Variants in PDE10A observed in about 807,000 individuals in gnomAD.
PDE10A encodes cAMP and cAMP-inhibited cGMP 3',5'-cyclic phosphodiesterase 10A.
PDE10A carries 39 observed loss-of-function variants against 97.7 expected under a neutral mutation model. That is an observed-to-expected ratio of 0.40 (90% CI 0.31 to 0.52). The LOEUF (loss-of-function observed/expected upper bound fraction) is 0.52. Ranked by LOEUF, PDE10A falls within the 20% of genes least tolerant of loss-of-function variation. The pLI, the probability that PDE10A is intolerant of heterozygous loss-of-function variation, is 0.56. For synonymous variants in PDE10A, 371 were observed against 376.8 expected (o/e 0.98, Z 0.18); for missense variants, 731 against 1,047.8 (o/e 0.70, Z 4.17).
intron 1 of PDE10A, chr6:165,949,595 C>T (rs1381236527): frequency 2.0e-5 from 3 of 152,108 alleles, no homozygotes; most frequent in Middle Eastern, 3.2e-3. Context: ...TGCCATCTCC[C>T]GCTGACCATC....
intron 1 of PDE10A, among the ~76,000 whole-genome samples, chr6:165,659,747 C>T (rs1272921006): frequency 6.6e-6 from 1 of 152,222 alleles, no homozygotes; most frequent in African/African-American, 2.4e-5. Context: ...CTTCTCCTAG[C>T]TGGGCCTTTC....
chr6:165,894,464 G>C (rs1344177434), intron 1 of PDE10A: 1 of 455,940 alleles, frequency 2.2e-6, no homozygotes, highest in African/African-American at 2.0e-5. Flanking sequence ...AATTGAACAA[G>C]TGGTGGAGAG....
chr6:165,971,252 T>C (rs1383719530), intron 1 of PDE10A, among the ~76,000 whole-genome samples: 1 of 152,170 alleles, frequency 6.6e-6, no homozygotes, highest in African/African-American at 2.4e-5. Flanking sequence ...GATTGTTAAA[T>C]ACATGATTGA....
chr6:165,863,144 C>G (rs766949850), intron 1 of PDE10A, among the ~76,000 whole-genome samples: 26 of 152,312 alleles, frequency 1.7e-4, no homozygotes, highest in Non-Finnish European at 2.9e-4. Context: ...CAGTTTGTGG[C>G]CTCTCAGGAG....
chr6:165,566,314 A>G (rs993316918), intron 1 of PDE10A, among the ~76,000 whole-genome samples: 1 of 152,254 alleles, frequency 6.6e-6, no homozygotes, highest in African/African-American at 2.4e-5. Flanking sequence ...TGAGCAAATG[A>G]AAAGATGCTC....
At chr6:165,755,178 C>T (rs1196470976) in intron 1 of PDE10A, among the ~76,000 whole-genome samples, 1 of 152,112 alleles carries the variant, frequency 6.6e-6, no homozygotes, top group South Asian at 2.1e-4. Context: ...GGATGGCCTG[C>T]GACCAGAGGA....
chr6:165,656,049 C>G (rs1422647423), intron 1 of PDE10A, among the ~76,000 whole-genome samples: 1 of 152,014 alleles, frequency 6.6e-6, no homozygotes, highest in Non-Finnish European at 1.5e-5. Context: ...CGCTGTGCAG[C>G]TCTCTTGGTA....
intron 12 of PDE10A, among the ~76,000 whole-genome samples, chr6:165,414,991 C>T (rs1398739115): frequency 1.3e-5 from 2 of 152,156 alleles, no homozygotes; most frequent in Non-Finnish European, 2.9e-5. Flanking sequence ...GTTAAAATCA[C>T]CTGCCCTTTG....
At chr6:165,426,186 T>C (rs1379026814) in intron 10 of PDE10A, among the ~76,000 whole-genome samples, 1 of 152,194 alleles carries the variant, frequency 6.6e-6, no homozygotes, top group Admixed American at 6.5e-5. Context: ...TTGTAGAAAT[T>C]GACCTGCTAC....
At chr6:165,525,939 A>G (rs1011615260) in intron 2 of PDE10A, among the ~76,000 whole-genome samples, 2 of 152,202 alleles carry the variant, frequency 1.3e-5, no homozygotes, top group Non-Finnish European at 2.9e-5. Flanking sequence ...AATGGACAAA[A>G]GAGTAATTTA....
intron 1 of PDE10A, among the ~76,000 whole-genome samples, chr6:165,958,732 A>G (rs1160223725): frequency 7.4e-5 from 1 of 13,534 alleles, no homozygotes; most frequent in Non-Finnish European, 1.3e-4. Context: ...AGAAAGAAAG[A>G]AAGAAAGAAA....
chr6:165,442,944 A>T, intron 5 of PDE10A, among the ~76,000 whole-genome samples: 1 of 151,848 alleles, frequency 6.6e-6, no homozygotes, highest in African/African-American at 2.4e-5. Flanking sequence ...CCCCATCTCT[A>T]CTAAAAATAC....
At chr6:165,959,621 C>T (rs781350583) in intron 1 of PDE10A, among the ~76,000 whole-genome samples, 6 of 152,218 alleles carry the variant, frequency 3.9e-5, no homozygotes, top group Non-Finnish European at 5.9e-5. Context: ...TCCACACCCT[C>T]TGTTTCTGGA....
chr6:165,479,493 A>G (rs1457536580), intron 3 of PDE10A, among the ~76,000 whole-genome samples: 2 of 152,206 alleles, frequency 1.3e-5, no homozygotes, highest in East Asian at 3.9e-4. Context: ...TTATGAAATT[A>G]ACCTCTCCTG....
At chr6:165,576,241 C>A (rs1785298254) in intron 1 of PDE10A, among the ~76,000 whole-genome samples, 1 of 152,178 alleles carries the variant, frequency 6.6e-6, no homozygotes, top group African/African-American at 2.4e-5. Context: ...GGGGGCTTGA[C>A]TGAAGGTTGG....
At chr6:165,477,468 A>G (rs1226231010) in intron 3 of PDE10A, among the ~76,000 whole-genome samples, 1 of 152,142 alleles carries the variant, frequency 6.6e-6, no homozygotes, top group East Asian at 1.9e-4. Flanking sequence ...ATTTCTGTCT[A>G]GTTTGTCCTC....
intron 13 of PDE10A, among the ~76,000 whole-genome samples, chr6:165,405,286 C>A (rs1428780094): frequency 6.6e-6 from 1 of 152,104 alleles, no homozygotes; most frequent in Non-Finnish European, 1.5e-5. Flanking sequence ...TTAGGGCAGA[C>A]ATAAAAGGTA....
At chr6:165,976,299 G>T (rs561037031) in intron 1 of PDE10A, among the ~76,000 whole-genome samples, 129 of 152,260 alleles carry the variant, frequency 8.5e-4, no homozygotes, top group African/African-American at 2.9e-3. Flanking sequence ...ACTAAAATCT[G>T]TTGGGCCCTG....
At chr6:165,656,364 G>A (rs1789968000) in intron 1 of PDE10A, among the ~76,000 whole-genome samples, 2 of 150,856 alleles carry the variant, frequency 1.3e-5, no homozygotes. Context: ...CTGGATGTGT[G>A]ACTATTAACT....
Sources: allele counts gnomAD v4.1 joint callset (sites outside exome capture counted in the v4.1 genomes callset), GRCh38; gene constraint gnomAD v4.1.1; transcripts MANE v1.5; gene names NCBI Gene and HGNC (gene_info 2026-07-23, HGNC 2026-07-21).